RNF213: variants seen among roughly 807,000 people sequenced by gnomAD.
RNF213 encodes the protein E3 ubiquitin-protein ligase RNF213.
RNF213 carries 341 observed loss-of-function variants against 514.4 expected under a neutral mutation model. The ratio of observed to expected loss-of-function variants is 0.66; its 90% CI spans 0.61 to 0.73. The LOEUF (loss-of-function observed/expected upper bound fraction) is 0.73. Among genes scored for constraint, RNF213 ranks in the 30% least tolerant of loss-of-function variants. The probability of loss-of-function intolerance (pLI) is 0.00; values close to 1 mark genes in which losing one functional copy is unlikely to be tolerated. For missense variants in RNF213, 5,767 were observed against 6,615.6 expected, an observed-to-expected ratio of 0.87 and a Z score of 4.45; for synonymous variants, 2,655 against 2,658.2, an observed-to-expected ratio of 1.00 and a Z score of 0.04.
In RNF213 at chr17:80,349,245, A is replaced by G. The variant is rs139568632; in HGVS notation, c.9952-525A>G. On this transcript the variant is annotated intron_variant, in intron 29 of 67. Transcript: ENST00000582970. ...GTCCGCCGGGGACAGGTTTCTATGC[A>G]TCGTGCAGCTGGACGTAGGAATCTG... is the stretch of plus-strand genomic sequence containing the variant. Among the ~76,000 whole-genome samples, 807 of 152,292 alleles carry G rather than the reference A, an allele frequency of 5.3e-3. 7 individuals carry two copies. The highest frequency in any genetic ancestry group is 0.019 in the African/African-American group (773 of 41,562).
intron 3 of RNF213, among the ~76,000 whole-genome samples, chr17:80,285,408 C>T (rs892734938): frequency 3.3e-5 from 5 of 152,178 alleles, no homozygotes; most frequent in African/African-American, 9.6e-5. Context: ...GCAGGGACGG[C>T]GTCATCGCCT....
intron 31 of RNF213, among the ~76,000 whole-genome samples, chr17:80,350,639 T>TA (rs1178319316): frequency 6.6e-6 from 1 of 152,134 alleles, no homozygotes; most frequent in East Asian, 1.9e-4. Flanking sequence ...ACCTCATTTC[T>TA]AAAAAAATAA....
intron 3 of RNF213, chr17:80,278,691 C>T (rs2044154624): frequency 2.0e-6 from 3 of 1,513,116 alleles, no homozygotes; most frequent in South Asian, 2.4e-5. Flanking sequence ...GAGGTGGGGT[C>T]TTTGCGAGTC....
At chr17:80,290,460 T>TGTGTGTGTGCACGTGTGTGTGCGCAC in intron 6 of RNF213, 110 bp from the exon 7 acceptor site, 3 of 1,315,994 alleles carry the variant, frequency 2.3e-6, no homozygotes, top group Non-Finnish European at 3.3e-6. Flanking sequence ...TGCGAGTGCA[T>TGTGTGTGTGCACGTGTGTGTGCGCAC]GTGTGTGTGC....
intron 1 of RNF213, among the ~76,000 whole-genome samples, chr17:80,261,276 G>A (rs1678055761): frequency 1.3e-5 from 2 of 152,222 alleles, no homozygotes. Context: ...CGGGCCTGCA[G>A]GTCCGCCCGG....
In RNF213 at chr17:80,306,253, A is replaced by G. The variant is rs770794040; in HGVS notation, c.2212A>G (p.Ser738Gly). ...SPFREQMLDT[S>G]SLLQFMREKQ... ...TCCGTCCCTATTTCTCTTATGCAGG[A>G]GTTCCCTACTTCAGTTTATGAGAGA... is the stretch of plus-strand genomic sequence containing the variant. Residue 738 changes from serine (S) to glycine (G), a missense_variant and splice_region_variant, in exon 12 of 68, where the codon AGT (serine) becomes GGT (glycine). Physicochemically the swap from Ser to Gly is moderately conservative, Grantham distance 56. Around this residue, in one of 13 missense-constraint regions of RNF213, gnomAD observed 592 missense variants for 673.9 expected, o/e 0.88. Coordinates refer to ENST00000582970, the MANE Select transcript of RNF213 (RefSeq NM_001256071.3). The G allele has an allele frequency of 7.4e-6, 12 of 1,613,870 alleles. No homozygotes were observed. The East Asian group carries it at 1.3e-4, about 18-fold the overall frequency.
chr17:80,339,526 C>T lies in RNF213; in HGVS notation c.5159C>T (p.Pro1720Leu). The part of the protein sequence containing the change: ...VYLSTELRKQ[P>L]PSDAALTMLS... ...CTGAGCACTGAGCTCAGGAAGCAGC[C>T]CCCGAGTGATGCCGCCCTAACGATG... Residue 1720 changes from proline to leucine, a missense_variant, in exon 26 of 68, where the codon CCC (proline) becomes CTC (leucine). Coordinates refer to ENST00000582970, the MANE Select transcript of RNF213 (RefSeq NM_001256071.3). 1 of 1,537,178 alleles carries T rather than the reference C, an allele frequency of 6.5e-7. No individual in the cohort carries two copies. Among genetic ancestry groups the T allele is most frequent in the Non-Finnish European group, 8.7e-7 (1 of 1,146,886 alleles).
chr17:80,364,592 A>AGG (rs1568138180), intron 42 of RNF213, 39 bp downstream of exon 42: 6 of 1,613,652 alleles, frequency 3.7e-6, no homozygotes, highest in Admixed American at 1.7e-5. Flanking sequence ...GCACGGATCC[A>AGG]CCCTTTTCCG....
In RNF213 at chr17:80,395,969, C is replaced by G. The variant is rs1172199708; in HGVS notation, c.*2471C>G. 1 of 152,364 alleles carries G rather than the reference C, an allele frequency of 6.6e-6. No homozygotes were observed. The highest frequency in any genetic ancestry group is 1.5e-5 in the Non-Finnish European group (1 of 68,128). The allele number at this position is 152,364 out of a possible 1,614,324, so 9.4% of individuals were successfully genotyped here. ...AACCCTGACCTTCCCCCTCCCAACC[C>G]TTTATTCATCCTCACTCCCACTCAT... On this transcript the variant is annotated 3_prime_UTR_variant, in exon 68 of 68. Transcript: ENST00000582970.
intron 30 of RNF213, 142 bp downstream of exon 30, chr17:80,350,048 C>A: frequency 1.0e-6 from 1 of 974,804 alleles, no homozygotes; most frequent in Non-Finnish European, 1.6e-6. Flanking sequence ...TCTCTCCCAG[C>A]ATCCCTCTCA....
chr17:80,293,694 GCGGGCGCCTGTAGTCCCAGCTACT>G (rs1460606756), intron 8 of RNF213, among the ~76,000 whole-genome samples: 1 of 152,056 alleles, frequency 6.6e-6, no homozygotes, highest in African/African-American at 2.4e-5. Context: ...CGTCTTGGCA[GCGGGCGCCTGTAGTCCCAGCTACT>G]CGGGAGGCTG....
chr17:80,389,421 C>T (rs943175537), intron 65 of RNF213, 54 bp downstream of exon 65: 21 of 1,527,774 alleles, frequency 1.4e-5, no homozygotes, highest in Non-Finnish European at 1.7e-5. Flanking sequence ...TGGTCTCCTG[C>T]TTCCCGCGAG....
rs59352873 is a variant in RNF213 at position 80,307,854 on chromosome 17, GTTT to G, written c.2501+673_2501+675del. On this transcript the variant is annotated intron_variant, in intron 13 of 67. Coordinates refer to ENST00000582970, the MANE Select transcript of RNF213 (RefSeq NM_001256071.3). ...CGTGAGCCACCATGCCTGGCCGTCT[GTTT>G]TTTTTTTTTTTTTTTTTTTAAAGGG... 2.9e-3 allele frequency among the ~76,000 whole-genome samples: 373 copies of G among 130,716 alleles called. 3 individuals carry two copies. Among genetic ancestry groups the G allele is most frequent in the African/African-American group, 3.5e-3 (136 of 38,568 alleles). 85.8% of individuals were successfully genotyped at this position (130,716 alleles called of 152,430 possible). A position where few individuals can be genotyped will look rare whatever the true frequency, so the allele number is the denominator to read the frequency against.
intron 64 of RNF213, 107 bp downstream of exon 64, chr17:80,388,796 C>A (rs1332074537): frequency 1.3e-5 from 12 of 906,064 alleles, no homozygotes; most frequent in Admixed American, 5.1e-5. Context: ...TGCTGTGAGC[C>A]CACAGTTTCT....
At chr17:80,357,892 G>A (rs2078893030) in intron 36 of RNF213, among the ~76,000 whole-genome samples, 1 of 152,210 alleles carries the variant, frequency 6.6e-6, no homozygotes, top group South Asian at 2.1e-4. Context: ...CACGGCTGAG[G>A]TGGGAGGATC....
Position 80,328,072 on chromosome 17 carries a change from TGTA to T in RNF213, c.3367+84_3367+86del, listed in dbSNP as rs1240444883. ...ACGTTTGTGTTTGCGTGTGCATTTT[TGTA>T]AAGGAGATAATCATCTTAGCCTTGA... On this transcript the variant is annotated intron_variant, in intron 19 of 67. Coordinates refer to ENST00000582970, the MANE Select transcript of RNF213 (RefSeq NM_001256071.3). 1.0e-5 allele frequency: 15 copies of T among 1,455,550 alleles called. No individual in the cohort carries two copies. In the African/African-American group the frequency reaches 1.8e-4, roughly 18 times the overall value. 90.2% of individuals were successfully genotyped at this position (1,455,550 alleles called of 1,614,324 possible).
rs773203556 is a variant in RNF213 at position 80,376,521 on chromosome 17, C to T, written c.13406C>T (p.Ala4469Val). 6.2e-7 allele frequency: 1 copy of T among 1,614,106 alleles called. No individual in the cohort carries two copies. The highest frequency in any genetic ancestry group is 8.5e-7 in the Non-Finnish European group (1 of 1,180,034). ...NELLEPLKNL[A>V]FSPATMAHAF... ...CTCTTGGAGCCCCTAAAGAATCTGG[C>T]CTTCTCCCCAGCCACCATGGCGGTA... is the stretch of plus-strand genomic sequence containing the variant. Residue 4469 changes from alanine (A) to valine (V), a missense_variant, in exon 52 of 68, where the codon GCC (alanine) becomes GTC (valine). Transcript: ENST00000582970.
chr17:80,322,153 AC>A (rs1445799070), intron 17 of RNF213, among the ~76,000 whole-genome samples: 77 of 68,398 alleles, frequency 1.1e-3, no homozygotes, highest in African/African-American at 4.0e-3. Flanking sequence ...CATCCCCCCC[AC>A]CCCCCCTTTT....
intron 2 of RNF213, among the ~76,000 whole-genome samples, chr17:80,268,379 AG>A (rs200680083): frequency 0.19 from 14,216 of 75,732 alleles, 1,920 homozygotes; most frequent in East Asian, 0.42. Context: ...AAAAAAAAAA[AG>A]GCAGTACTGC....
Sources: gnomAD v4.1 joint callset for allele counts (sites outside exome capture counted in the v4.1 genomes callset) on GRCh38, gnomAD v4.1.1 for gene constraint, gnomAD v4.1.1 regional missense constraint, MANE v1.5 for transcripts, NCBI Gene and HGNC (gene_info 2026-07-23, HGNC 2026-07-21) for gene names.